Variants in CATSPERB observed in about 807,000 individuals in gnomAD.
The protein encoded by CATSPERB is cation channel sperm-associated auxiliary subunit beta.
In CATSPERB, 93 loss-of-function variants were observed where a neutral mutation model predicts 128.3. The ratio of observed to expected loss-of-function variants is 0.72; its 90% CI spans 0.61 to 0.86. The LOEUF (loss-of-function observed/expected upper bound fraction) is 0.86. Among genes scored for constraint, CATSPERB ranks in the 40% least tolerant of loss-of-function variants. CATSPERB has a pLI of 0.00. For synonymous variants in CATSPERB, 381 were observed against 448.8 expected, an observed-to-expected ratio of 0.85 and a Z score of 1.91; for missense variants, 1,153 against 1,329.5, an observed-to-expected ratio of 0.87 and a Z score of 2.06.
intron 10 of CATSPERB, among the ~76,000 whole-genome samples, chr14:91,686,646 C>A (rs1333164160): frequency 6.6e-6 from 1 of 152,124 alleles, no homozygotes; most frequent in East Asian, 1.9e-4. Context: ...TTTAATAGGA[C>A]TTATTATAAT....
intron 4 of CATSPERB, among the ~76,000 whole-genome samples, chr14:91,719,781 T>A (rs10131786): frequency 0.98 from 149,574 of 152,296 alleles, 73,506 homozygotes; most frequent in Middle Eastern, 1. Context: ...ATGTAGCACA[T>A]AGTTGAAGTA....
chr14:91,592,881 G>A (rs1332496423), intron 22 of CATSPERB, among the ~76,000 whole-genome samples: 3 of 152,186 alleles, frequency 2.0e-5, no homozygotes, highest in Non-Finnish European at 4.4e-5. Context: ...AAGGCCCAGA[G>A]GCCCAGGAGG....
chr14:91,709,605 T>C (rs564870376), intron 5 of CATSPERB: 2 of 136,718 alleles, frequency 1.5e-5, no homozygotes, highest in Non-Finnish European at 1.5e-5. Flanking sequence ...GGCAGGAGAA[T>C]GGCGTGAACC....
chr14:91,665,571 G>A (rs1056670386), intron 14 of CATSPERB, among the ~76,000 whole-genome samples: 6 of 152,100 alleles, frequency 3.9e-5, no homozygotes, highest in African/African-American at 1.4e-4. Context: ...AGAAATTAGA[G>A]ATTTTAAACT....
chr14:91,625,563 G>T (rs936540443), intron 17 of CATSPERB, among the ~76,000 whole-genome samples: 1 of 152,168 alleles, frequency 6.6e-6, no homozygotes, highest in Non-Finnish European at 1.5e-5. Context: ...TTTTAACAGT[G>T]TAGGGAAAAT....
chr14:91,592,333 G>A (rs1893423683), intron 22 of CATSPERB: 1 of 318,090 alleles, frequency 3.1e-6, no homozygotes. Context: ...GCCAGTGCAG[G>A]GATCCAGACG....
Position 91,725,230 on chromosome 14 carries a change from C to T in CATSPERB, c.80-62G>A, listed in dbSNP as rs986583044. ...ATAGAAGACTGTCCATAAAAAGTAC[C>T]ATGTTTCTAAAACTGACAAAATATT... is the stretch of plus-strand genomic sequence containing the variant. On this transcript the variant is annotated intron_variant, in intron 2 of 26. Coordinates refer to ENST00000256343, the MANE Select transcript of CATSPERB (RefSeq NM_024764.4). 3 of 673,960 alleles carry T rather than the reference C, an allele frequency of 4.5e-6. No individual in the cohort carries two copies. In the Admixed American group the frequency reaches 1.1e-4, roughly 24 times the overall value. The allele number at this position is 673,960 out of a possible 1,614,324, so 41.7% of individuals were successfully genotyped here. A position where few individuals can be genotyped will look rare whatever the true frequency, so the allele number is the denominator to read the frequency against.
At position 91,639,212 on chromosome 14, in the gene CATSPERB, T is replaced by C. The variant is rs368928259; in HGVS notation, c.1471A>G (p.Arg491Gly). ...RYSAVGSVTE[R>G]IFTLYYDHLG... ...TGATCATAGTATAATGTGAAAATTC[T>C]CTCAGTAACACTTCCGACTGCACTG... Residue 491 changes from arginine to glycine, a missense_variant, in exon 16 of 27, where the codon AGA (arginine) becomes GGA (glycine). Physicochemically the swap from Arg to Gly is moderately radical, Grantham distance 125 (BLOSUM62 -2). Coordinates refer to ENST00000256343, the MANE Select transcript of CATSPERB (RefSeq NM_024764.4). 60 of 1,613,934 alleles carry C rather than the reference T, an allele frequency of 3.7e-5. No individual in the cohort carries two copies. The highest frequency in any genetic ancestry group is 4.7e-5 in the Non-Finnish European group (55 of 1,179,894).
Position 91,592,004 on chromosome 14 carries a change from T to C in CATSPERB, c.2710-2A>G. ...ACACTGTTTGAATTTACCGGTTTTCTGCAAATAGAAGTAACAGATGTTGAC... is the reference window on the plus strand; with the variant it reads ...ACACTGTTTGAATTTACCGGTTTTCCGCAAATAGAAGTAACAGATGTTGAC... On this transcript the variant is annotated splice_acceptor_variant, in intron 22 of 26. Coordinates refer to ENST00000256343, the MANE Select transcript of CATSPERB (RefSeq NM_024764.4). LOFTEE classifies it high-confidence loss of function. 1.3e-6 allele frequency: 2 copies of C among 1,599,428 alleles called. No individual in the cohort carries two copies. The highest frequency in any genetic ancestry group is 1.7e-6 in the Non-Finnish European group (2 of 1,166,804).
intron 9 of CATSPERB, among the ~76,000 whole-genome samples, chr14:91,692,743 C>T (rs1182341723): frequency 6.6e-6 from 1 of 152,160 alleles, no homozygotes; most frequent in African/African-American, 2.4e-5. Context: ...TTTCCCTTCG[C>T]TCAATCCCAA....
At chr14:91,711,228 GTTTTA>G (rs1360039224) in intron 5 of CATSPERB, among the ~76,000 whole-genome samples, 1 of 151,954 alleles carries the variant, frequency 6.6e-6, no homozygotes. Flanking sequence ...TGATGCACTG[GTTTTA>G]TTTTATTTAT....
At chr14:91,690,862 C>T (rs565273375) in intron 10 of CATSPERB, among the ~76,000 whole-genome samples, 2 of 152,238 alleles carry the variant, frequency 1.3e-5, no homozygotes, top group Non-Finnish European at 2.9e-5. Context: ...CATCTGCTCA[C>T]TCTATGAGGA....
intron 5 of CATSPERB, among the ~76,000 whole-genome samples, chr14:91,719,173 T>A (rs962622209): frequency 2.0e-5 from 3 of 152,168 alleles, no homozygotes; most frequent in African/African-American, 7.2e-5. Context: ...AAATAAAAGA[T>A]AATATAAATG....
At chr14:91,723,785 T>C (rs1430052386) in intron 3 of CATSPERB, among the ~76,000 whole-genome samples, 1 of 152,184 alleles carries the variant, frequency 6.6e-6, no homozygotes, top group Non-Finnish European at 1.5e-5. Context: ...GCTAGGAATG[T>C]AGATGTGAAT....
intron 15 of CATSPERB, among the ~76,000 whole-genome samples, chr14:91,641,412 T>A (rs1197184414): frequency 6.6e-6 from 1 of 151,936 alleles, no homozygotes; most frequent in Non-Finnish European, 1.5e-5. Context: ...TTGATTTTTG[T>A]ATAAGGTGTA....
At chr14:91,697,685 T>C (rs766106166) in intron 7 of CATSPERB, among the ~76,000 whole-genome samples, 8 of 152,112 alleles carry the variant, frequency 5.3e-5, no homozygotes, top group Non-Finnish European at 1.0e-4. Context: ...GATCAGATGG[T>C]AGTAGGGGTG....
chr14:91,702,536 T>C (rs1053371234), intron 7 of CATSPERB, among the ~76,000 whole-genome samples: 2 of 151,878 alleles, frequency 1.3e-5, no homozygotes, highest in East Asian at 3.9e-4. Flanking sequence ...TATTGCTTTA[T>C]AATAAGTCAT....
chr14:91,729,318 A>G (rs1896172571), intron 2 of CATSPERB, 83 bp downstream of exon 2: 1 of 560,610 alleles, frequency 1.8e-6, no homozygotes, highest in Admixed American at 3.9e-5. Flanking sequence ...TACTAAAAGA[A>G]AAATTTTTTA....
chr14:91,658,811 T>TC (rs1414293148), intron 15 of CATSPERB, among the ~76,000 whole-genome samples: 12 of 148,006 alleles, frequency 8.1e-5, no homozygotes, highest in Non-Finnish European at 1.3e-4. Flanking sequence ...TAAATTTACT[T>TC]CCATATTCTG....
Sources: gnomAD v4.1 joint callset for allele counts (sites outside exome capture counted in the v4.1 genomes callset) on GRCh38, gnomAD v4.1.1 for gene constraint, MANE v1.5 for transcripts, NCBI Gene and HGNC (gene_info 2026-07-23, HGNC 2026-07-21) for gene names.